SLIT1: variants seen among roughly 807,000 people sequenced by gnomAD.
The protein encoded by SLIT1 is slit homolog 1 protein.
A neutral mutation model predicts 186.1 loss-of-function variants in SLIT1; 66 were observed. The ratio of observed to expected loss-of-function variants is 0.35; its 90% CI spans 0.29 to 0.44. SLIT1 has a LOEUF of 0.44. Among genes scored for constraint, SLIT1 ranks in the 20% least tolerant of loss-of-function variants. The probability of loss-of-function intolerance (pLI) is 1.00; values close to 1 mark genes in which losing one functional copy is unlikely to be tolerated. For synonymous variants in SLIT1, 761 were observed against 833.8 expected (o/e 0.91, Z 1.50); for missense variants, 1,638 against 2,037.4 (o/e 0.80, Z 3.77).
intron 13 of SLIT1, among the ~76,000 whole-genome samples, chr10:97,050,533 T>G (rs1848777467): frequency 6.6e-6 from 1 of 152,234 alleles, no homozygotes; most frequent in South Asian, 2.1e-4. Context: ...CTCTTCTGCA[T>G]CAAGCTCAAC....
At chr10:97,106,644 T>TTG (rs906829681) in intron 4 of SLIT1, among the ~76,000 whole-genome samples, 5 of 151,852 alleles carry the variant, frequency 3.3e-5, no homozygotes, top group African/African-American at 1.2e-4. Flanking sequence ...TAAAGTTGTT[T>TTG]TTTTTTTTTT....
chr10:97,153,189 T>C (rs542500891), intron 4 of SLIT1: 5 of 152,234 alleles, frequency 3.3e-5, no homozygotes, highest in African/African-American at 1.2e-4. Flanking sequence ...TGCTCTGTGG[T>C]CCAAGGCAAA....
intron 11 of SLIT1, 71 bp from the exon 12 acceptor site, chr10:97,057,352 G>A (rs1650639790): frequency 7.6e-7 from 1 of 1,309,928 alleles, no homozygotes; most frequent in Non-Finnish European, 1.1e-6. Context: ...TCTGCAGACG[G>A]CCCCAGCTCA....
intron 4 of SLIT1, among the ~76,000 whole-genome samples, chr10:97,073,413 G>T (rs941031819): frequency 4.6e-5 from 7 of 152,204 alleles, no homozygotes; most frequent in Admixed American, 6.5e-5. Flanking sequence ...TCCTGGAAGC[G>T]GGCGGGATCT....
chr10:97,168,683 T>C (rs1372331440), intron 1 of SLIT1, among the ~76,000 whole-genome samples: 1 of 152,230 alleles, frequency 6.6e-6, no homozygotes, highest in African/African-American at 2.4e-5. Context: ...TTATAAACAA[T>C]ATTGCATAAA....
intron 4 of SLIT1, among the ~76,000 whole-genome samples, chr10:97,109,198 GA>G (rs796621901): frequency 0.021 from 2,342 of 111,976 alleles, 50 homozygotes; most frequent in African/African-American, 0.068. Context: ...AAAAGCAAAA[GA>G]AAAAAAAAAA....
chr10:97,009,851 T>C (rs1848395775), intron 31 of SLIT1, among the ~76,000 whole-genome samples: 1 of 152,240 alleles, frequency 6.6e-6, no homozygotes, highest in Non-Finnish European at 1.5e-5. Flanking sequence ...AAAGAAGATA[T>C]TTTTAAATGG....
In SLIT1 at chr10:97,021,264, T is replaced by A; in HGVS notation, c.2732A>T (p.Lys911Met). ...CCTAGGCTCACCTTGGCATTCAAAC[T>A]TCTTGGCAGGCGTGGTGAGGAGCAG... ...GKLLLTTPAK[K>M]FECQGPPTLA... The change falls in exon 26 of 37, where the codon AAG becomes ATG. Residue 911 changes from lysine to methionine, a missense_variant. Transcript: ENST00000266058. The surrounding 1 kb of genome is among the most constrained non-coding windows in gnomAD (Gnocchi z 4.5). The A allele has an allele frequency of 6.2e-7, 1 of 1,614,056 alleles. No homozygotes were observed. The highest frequency in any genetic ancestry group is 8.5e-7 in the Non-Finnish European group (1 of 1,179,946).
chr10:97,056,053 T>C lies in SLIT1; in HGVS notation c.1301+268A>G, dbSNP rs1324734299. On this transcript the variant is annotated intron_variant, in intron 13 of 36. Coordinates refer to ENST00000266058, the MANE Select transcript of SLIT1 (RefSeq NM_003061.3). The stretch of plus-strand genomic sequence containing the variant: ...CATACAAACATCCTCCTTAATCTCA[T>C]AACAACCCTATGGGAAGGCATCCCC... Among the ~76,000 whole-genome samples the C allele has an allele frequency of 2.0e-5, 3 of 152,178 alleles. No homozygotes were observed. In the East Asian group the frequency reaches 5.8e-4, roughly 29 times the overall value.
At chr10:97,146,931 T>C (rs1231815438) in intron 4 of SLIT1, among the ~76,000 whole-genome samples, 1 of 143,288 alleles carries the variant, frequency 7.0e-6, no homozygotes, top group African/African-American at 2.5e-5. Context: ...TTGCCTTCTC[T>C]GGTGGAGAAG....
At chr10:97,100,256 CCCCGCAGG>C (rs1381204274) in intron 4 of SLIT1, among the ~76,000 whole-genome samples, 4 of 152,154 alleles carry the variant, frequency 2.6e-5, no homozygotes, top group Non-Finnish European at 4.4e-5. Flanking sequence ...GGACCATCAG[CCCCGCAGG>C]GAAGGCACAG....
intron 13 of SLIT1, among the ~76,000 whole-genome samples, chr10:97,051,506 C>T (rs1848786260): frequency 6.6e-6 from 1 of 150,722 alleles, no homozygotes; most frequent in Non-Finnish European, 1.5e-5. Flanking sequence ...CCATATGAAC[C>T]AGAAATTCCA....
intron 3 of SLIT1, among the ~76,000 whole-genome samples, chr10:97,159,265 C>A (rs146017373): frequency 2.6e-5 from 4 of 152,172 alleles, no homozygotes; most frequent in Admixed American, 6.5e-5. Context: ...GCCATTGCCA[C>A]CACATTGGGC....
rs148114345 is a variant in SLIT1 at position 97,019,380 on chromosome 10, C to T, written c.2747-273G>A. On this transcript the variant is annotated intron_variant, in intron 26 of 36. Transcript: ENST00000266058. ...AAAGCATGCTTGGCAGGCAGGCGGG[C>T]GGGCACTGTGCACAGTGGCCATTAG... is the stretch of plus-strand genomic sequence containing the variant. Among the ~76,000 whole-genome samples the T allele has an allele frequency of 3.4e-3, 511 of 152,272 alleles. 1 individual carries two copies. The highest frequency in any genetic ancestry group is 0.011 in the African/African-American group (468 of 41,544).
At position 97,014,067 on chromosome 10, in the gene SLIT1, C is replaced by T; in HGVS notation, c.3061G>A (p.Val1021Met). The part of the protein sequence containing the change: ...DHACANGGVC[V>M]DGVGNYTCQC... ...CAGGTGTAGTTGCCCACACCATCCACACAGACGCCCCCATTGGCACAGGCA... is the reference window on the plus strand; with the variant it reads ...CAGGTGTAGTTGCCCACACCATCCATACAGACGCCCCCATTGGCACAGGCA... Residue 1021 changes from valine (V) to methionine (M), a missense_variant, in exon 29 of 37, where the codon GTG becomes ATG. This residue lies in a region of SLIT1 where 1,245 missense variants were observed against 1,535.3 expected (regional missense o/e 0.81). Transcript: ENST00000266058. 1 of 1,613,970 alleles carries T rather than the reference C, an allele frequency of 6.2e-7. No homozygotes were observed. The highest frequency in any genetic ancestry group is 2.2e-5 in the East Asian group (1 of 44,886).
intron 30 of SLIT1, among the ~76,000 whole-genome samples, chr10:97,011,837 C>T (rs1848413542): frequency 6.6e-6 from 1 of 152,128 alleles, no homozygotes; most frequent in South Asian, 2.1e-4. Flanking sequence ...CTGTGGATTC[C>T]AGAATACCGT....
chr10:97,088,558 C>CT (rs1270200488), intron 4 of SLIT1, among the ~76,000 whole-genome samples: 3 of 152,098 alleles, frequency 2.0e-5, no homozygotes, highest in African/African-American at 7.2e-5. Context: ...CCTGGATTAG[C>CT]TTTTTTTATA....
intron 28 of SLIT1, 102 bp downstream of exon 28, chr10:97,018,484 G>T: frequency 1.4e-6 from 1 of 699,280 alleles, no homozygotes; most frequent in Non-Finnish European, 2.4e-6. Flanking sequence ...TCCCCACAGG[G>T]CACAGGAGGC....
intron 4 of SLIT1, among the ~76,000 whole-genome samples, chr10:97,081,105 G>A (rs1490036073): frequency 2.0e-5 from 3 of 152,230 alleles, no homozygotes; most frequent in Middle Eastern, 3.2e-3. Flanking sequence ...CTGAGGGGCA[G>A]ACTCTTTGGG....
Sources: allele counts gnomAD v4.1 joint callset (sites outside exome capture counted in the v4.1 genomes callset), GRCh38; gene constraint gnomAD v4.1.1; regional missense constraint gnomAD v4.1.1; non-coding constraint Gnocchi (gnomAD v3.1); transcripts MANE v1.5; gene names NCBI Gene and HGNC (gene_info 2026-07-23, HGNC 2026-07-21).